The following ISM2 variants were observed in gnomAD, a reference collection of about 807,000 sequenced individuals.
ISM2 encodes the protein isthmin-2.
In ISM2, 50 loss-of-function variants were observed where a neutral mutation model predicts 58.0. That is an observed-to-expected ratio of 0.86 (90% CI 0.69 to 1.09). The LOEUF (loss-of-function observed/expected upper bound fraction) is 1.09, where lower values mean the gene tolerates loss of function less well. Ranked by LOEUF, ISM2 falls within the 50% of genes least tolerant of loss-of-function variation. The probability of loss-of-function intolerance (pLI) is 0.00; values close to 1 mark genes in which losing one functional copy is unlikely to be tolerated. For synonymous variants in ISM2, 303 were observed against 312.4 expected, an observed-to-expected ratio of 0.97 and a Z score of 0.32; for missense variants, 723 against 745.0, an observed-to-expected ratio of 0.97 and a Z score of 0.34.
intron 4 of ISM2, among the ~76,000 whole-genome samples, chr14:77,479,289 G>A (rs1239338690): frequency 3.9e-5 from 6 of 152,002 alleles, no homozygotes; most frequent in Admixed American, 6.6e-5. Context: ...GCGTGATTTC[G>A]GCTCACTGTA....
In ISM2 at chr14:77,476,025, C is replaced by T; in HGVS notation, c.1286G>A (p.Cys429Tyr). 1.9e-6 allele frequency: 3 copies of T among 1,573,622 alleles called. No homozygotes were observed. Among genetic ancestry groups the T allele is most frequent in the East Asian group, 4.5e-5 (2 of 44,388 alleles). The change falls in exon 7 of 7, where the codon TGC (cysteine) becomes TAC (tyrosine). Residue 429 changes from cysteine (C) to tyrosine (Y), a missense_variant. By Grantham distance (194) the Cys-to-Tyr change is radical. Coordinates refer to ENST00000342219, the MANE Select transcript of ISM2 (RefSeq NM_199296.3). ...GGCCTCCAGTGGGTAGGCACACGGG[C>T]AGCTGGGCAGGTCCCGCAGCATCTG... Reference protein sequence around the residue: ...LSQMLRDLPSCPCAYPLEAMD... With the variant: ...LSQMLRDLPSYPCAYPLEAMD...
chr14:77,482,545 C>T lies in ISM2; in HGVS notation c.750G>A (p.Trp250Ter). 8 of 1,614,094 alleles carry T rather than the reference C, an allele frequency of 5.0e-6. No individual in the cohort carries two copies. Among genetic ancestry groups the T allele is most frequent in the Non-Finnish European group, 6.8e-6 (8 of 1,179,988 alleles). Residue 250 changes from tryptophan to a stop codon, truncating the protein, a stop_gained, in exon 4 of 7, where the codon TGG becomes TGA. Coordinates refer to ENST00000342219, the MANE Select transcript of ISM2 (RefSeq NM_199296.3). LOFTEE classifies it high-confidence loss of function. ...SWLPALWSFL[W>*]GDYKGEEKDR... ...CTTTTTCCTCTCCTTTGTAGTCTCCCCAGAGGAAGGACCAGAGGGCGGGCA... is the reference window on the plus strand; with the variant it reads ...CTTTTTCCTCTCCTTTGTAGTCTCCTCAGAGGAAGGACCAGAGGGCGGGCA...
At chr14:77,486,092 G>C (rs998893359) in intron 1 of ISM2, among the ~76,000 whole-genome samples, 2 of 152,142 alleles carry the variant, frequency 1.3e-5, no homozygotes, top group African/African-American at 4.8e-5. Context: ...TGGAAACTAA[G>C]GCACAGAGAG....
chr14:77,484,131 A>G, intron 3 of ISM2, 192 bp downstream of exon 3: 2 of 664,492 alleles, frequency 3.0e-6, no homozygotes, highest in Admixed American at 5.7e-5. Flanking sequence ...CCCAAGGCCC[A>G]CAGCTAGAAA....
Position 77,482,641 on chromosome 14 carries a change from G to A in ISM2, c.654C>T (p.Pro218=), listed in dbSNP as rs1200068168. 6 of 1,564,070 alleles carry A rather than the reference G, an allele frequency of 3.8e-6. No individual in the cohort carries two copies. Among genetic ancestry groups the A allele is most frequent in the Non-Finnish European group, 2.6e-6 (3 of 1,157,472 alleles). ...NQVTIKVVED[P]QAEVSIDLLA... is the part of the protein sequence containing the mutation. The stretch of plus-strand genomic sequence containing the variant: ...ACAGGTCTATCGACACCTCGGCCTG[G>A]GGGTCCTCCACCACCTTGATGGTCA... The change falls in exon 4 of 7, where the codon CCC becomes CCT. Residue 218 remains proline, a synonymous_variant. Transcript: ENST00000342219.
chr14:77,474,642 T>C lies in ISM2; in HGVS notation c.*953A>G, dbSNP rs756137195. 6.6e-6 allele frequency: 1 copy of C among 152,208 alleles called. No individual in the cohort carries two copies. The highest frequency in any genetic ancestry group is 1.5e-5 in the Non-Finnish European group (1 of 68,046). 9.4% of individuals were successfully genotyped at this position (152,208 alleles called of 1,614,324 possible). On this transcript the variant is annotated 3_prime_UTR_variant, in exon 7 of 7. Coordinates refer to ENST00000342219, the MANE Select transcript of ISM2 (RefSeq NM_199296.3). ...CCAACTCTGAGTTCAGTGCATTCAG[T>C]GATGCTGGCAGCATGACATGGGACA...
chr14:77,496,713 C>T (rs1458049121), intron 1 of ISM2, among the ~76,000 whole-genome samples: 1 of 139,126 alleles, frequency 7.2e-6, no homozygotes, highest in African/African-American at 2.7e-5. Context: ...AGGAGAATTG[C>T]TTGAACCCGA....
chr14:77,481,819 G>T (rs942786085), intron 4 of ISM2, among the ~76,000 whole-genome samples: 1 of 139,894 alleles, frequency 7.1e-6, no homozygotes, highest in African/African-American at 2.5e-5. Flanking sequence ...AAAAAAAAAG[G>T]CTGGGCACAG....
At chr14:77,496,186 CAA>C (rs1187094203) in intron 1 of ISM2, among the ~76,000 whole-genome samples, 19 of 118,224 alleles carry the variant, frequency 1.6e-4, no homozygotes, top group Non-Finnish European at 2.0e-4. Context: ...GACTCCATGC[CAA>C]AAAAAAAAAA....
At position 77,482,787 on chromosome 14, in the gene ISM2, G is replaced by T. The variant is rs1033958307; in HGVS notation, c.628-120C>A. The T allele has an allele frequency of 7.8e-6, 5 of 640,300 alleles. No individual in the cohort carries two copies. The African/African-American group carries it at 9.1e-5, about 12-fold the overall frequency. The allele number at this position is 640,300 out of a possible 1,614,324, so 39.7% of individuals were successfully genotyped here. ...GCCCAACCTTTCCTTCAAACCAGCT[G>T]TCTTCTCTTGGCTGACATTTTTGGC... is the stretch of plus-strand genomic sequence containing the variant. On this transcript the variant is annotated intron_variant, in intron 3 of 6. Transcript: ENST00000342219.
At chr14:77,491,080 C>G (rs2079200738) in intron 1 of ISM2, among the ~76,000 whole-genome samples, 1 of 152,230 alleles carries the variant, frequency 6.6e-6, no homozygotes, top group Non-Finnish European at 1.5e-5. Context: ...TGCCACCCAC[C>G]TGGCAGGTGA....
At chr14:77,487,623 G>A (rs927310189) in intron 1 of ISM2, among the ~76,000 whole-genome samples, 2 of 152,160 alleles carry the variant, frequency 1.3e-5, no homozygotes, top group Admixed American at 6.5e-5. Context: ...CTCTCTGTAC[G>A]TCAGCCCTTG....
At chr14:77,482,182 A>G in intron 4 of ISM2, 140 bp downstream of exon 4, 1 of 578,990 alleles carries the variant, frequency 1.7e-6, no homozygotes, top group Non-Finnish European at 3.0e-6. Context: ...TTTTGAGTTG[A>G]TGATGGTGTT....
chr14:77,488,131 G>A (rs1348782773), intron 1 of ISM2, among the ~76,000 whole-genome samples: 1 of 152,174 alleles, frequency 6.6e-6, no homozygotes, highest in African/African-American at 2.4e-5. Flanking sequence ...TAAGTTCTGT[G>A]CAGACAGGAA....
At chr14:77,482,731 G>A (rs971997665) in intron 3 of ISM2, 64 bp from the exon 4 acceptor site, 10 of 998,720 alleles carry the variant, frequency 1.0e-5, no homozygotes, top group Non-Finnish European at 1.3e-5. Context: ...AAAGAGACGA[G>A]GGATGATGGG....
rs1446066370 is a variant in ISM2, at chr14:77,476,170, G to A, written c.1199-58C>T. On this transcript the variant is annotated intron_variant, in intron 6 of 6. Coordinates refer to ENST00000342219, the MANE Select transcript of ISM2 (RefSeq NM_199296.3). ...CAGTGACAGAGCCAGGCCCGTGTGGGGCGGGGACTGATTAAGGGCCAGTGC... is the reference window on the plus strand; with the variant it reads ...CAGTGACAGAGCCAGGCCCGTGTGGAGCGGGGACTGATTAAGGGCCAGTGC... 3.4e-6 allele frequency: 5 copies of A among 1,488,208 alleles called. No individual in the cohort carries two copies. In the Admixed American group the frequency reaches 9.1e-5, roughly 27 times the overall value. 92.2% of individuals were successfully genotyped at this position (1,488,208 alleles called of 1,614,324 possible). A position where few individuals can be genotyped will look rare whatever the true frequency, so the allele number is the denominator to read the frequency against.
intron 6 of ISM2, among the ~76,000 whole-genome samples, chr14:77,477,999 A>T (rs2079108297): frequency 6.6e-6 from 1 of 152,160 alleles, no homozygotes; most frequent in South Asian, 2.1e-4. Flanking sequence ...TGCCCCCACC[A>T]GATGATCTCT....
intron 1 of ISM2, among the ~76,000 whole-genome samples, chr14:77,492,642 C>G (rs1403226328): frequency 6.6e-6 from 1 of 151,506 alleles, no homozygotes; most frequent in Non-Finnish European, 1.5e-5. Flanking sequence ...CTCCAAGTAG[C>G]TAGCACTATA....
At chr14:77,482,999 A>C in intron 3 of ISM2, 1 of 230,594 alleles carries the variant, frequency 4.3e-6, no homozygotes, top group Non-Finnish European at 8.3e-6. Flanking sequence ...GCTGGCTTTG[A>C]ATCTCGGCTC....
Sources: gnomAD v4.1 joint callset for allele counts (sites outside exome capture counted in the v4.1 genomes callset) on GRCh38, gnomAD v4.1.1 for gene constraint, MANE v1.5 for transcripts, NCBI Gene and HGNC (gene_info 2026-07-23, HGNC 2026-07-21) for gene names.